SGCZ: variants seen among roughly 807,000 people sequenced by gnomAD.
SGCZ encodes the protein sarcoglycan zeta, also known as zeta-sarcoglycan.
In SGCZ, 40 loss-of-function variants were observed where a neutral mutation model predicts 41.3. The ratio of observed to expected loss-of-function variants is 0.97; its 90% CI spans 0.75 to 1.26. SGCZ has a LOEUF of 1.26. SGCZ is among the 50% of genes most tolerant of loss of function. The pLI is 0.00. For synonymous variants in SGCZ, 206 were observed against 137.5 expected, an observed-to-expected ratio of 1.50 and a Z score of -3.49; for missense variants, 552 against 369.8, an observed-to-expected ratio of 1.49 and a Z score of -4.04.
intron 1 of SGCZ, among the ~76,000 whole-genome samples, chr8:15,192,076 C>T (rs575741383): frequency 6.6e-6 from 1 of 152,056 alleles, no homozygotes; most frequent in South Asian, 2.1e-4. Context: ...TATTATATTC[C>T]CAGTGTTTTT....
intron 2 of SGCZ, among the ~76,000 whole-genome samples, chr8:14,336,272 A>G (rs1314687019): frequency 2.6e-5 from 4 of 152,184 alleles, no homozygotes; most frequent in Non-Finnish European, 5.9e-5. Context: ...TTGGCTACAT[A>G]GTATTCCATA....
chr8:14,108,025 T>G, intron 6 of SGCZ, 138 bp downstream of exon 6: 1 of 718,042 alleles, frequency 1.4e-6, no homozygotes, highest in South Asian at 2.1e-5. Flanking sequence ...ATTCTTCCTA[T>G]CTAATATATT....
At chr8:14,516,072 A>G (rs1189337938) in intron 2 of SGCZ, among the ~76,000 whole-genome samples, 1 of 151,910 alleles carries the variant, frequency 6.6e-6, no homozygotes, top group Non-Finnish European at 1.5e-5. Flanking sequence ...GGACTGATTT[A>G]AAAATGGCAC....
chr8:14,868,365 C>T (rs1245419343), intron 1 of SGCZ, among the ~76,000 whole-genome samples: 1 of 152,108 alleles, frequency 6.6e-6, no homozygotes, highest in Non-Finnish European at 1.5e-5. Context: ...CTTTAAGCCA[C>T]CAGTACAGCC....
At chr8:14,757,997 T>C (rs1169643743) in intron 1 of SGCZ, among the ~76,000 whole-genome samples, 1 of 152,204 alleles carries the variant, frequency 6.6e-6, no homozygotes, top group Non-Finnish European at 1.5e-5. Context: ...TATATACCCA[T>C]GTATATACAC....
chr8:14,978,975 T>A (rs10093265), intron 1 of SGCZ, among the ~76,000 whole-genome samples: 10,314 of 152,090 alleles, frequency 0.068, 498 homozygotes, highest in African/African-American at 0.12. Flanking sequence ...ATGTTTATAT[T>A]TTTGATACAG....
chr8:14,866,182 G>C (rs1020187975), intron 1 of SGCZ, among the ~76,000 whole-genome samples: 2 of 151,976 alleles, frequency 1.3e-5, no homozygotes, highest in African/African-American at 4.8e-5. Context: ...TTAAAAGAAA[G>C]GATCTATTTA....
chr8:14,622,973 G>C (rs1806333527), intron 1 of SGCZ, among the ~76,000 whole-genome samples: 1 of 152,064 alleles, frequency 6.6e-6, no homozygotes. Flanking sequence ...ATTTTCAGTA[G>C]CAGAGATGAA....
At chr8:14,429,486 G>C (rs1237524570) in intron 2 of SGCZ, among the ~76,000 whole-genome samples, 3 of 152,054 alleles carry the variant, frequency 2.0e-5, no homozygotes, top group Non-Finnish European at 4.4e-5. Flanking sequence ...ATGAGATGAG[G>C]TTAAGAGTCA....
chr8:14,372,186 C>T (rs891159761), intron 2 of SGCZ, among the ~76,000 whole-genome samples: 2 of 152,062 alleles, frequency 1.3e-5, no homozygotes, highest in African/African-American at 4.8e-5. Context: ...GGAACTCTCT[C>T]ACAGTAAGTA....
intron 1 of SGCZ, among the ~76,000 whole-genome samples, chr8:14,830,251 T>A (rs997140239): frequency 2.7e-5 from 4 of 147,978 alleles, no homozygotes; most frequent in African/African-American, 1.1e-4. Context: ...GTGTGTTTGG[T>A]TTCCAAATTT....
chr8:14,909,293 T>C (rs1799211480), intron 1 of SGCZ, among the ~76,000 whole-genome samples: 1 of 152,204 alleles, frequency 6.6e-6, no homozygotes, highest in Admixed American at 6.5e-5. Flanking sequence ...CTAAATCCAG[T>C]TGTCTACCTG....
At chr8:14,948,658 A>C (rs1800533108) in intron 1 of SGCZ, among the ~76,000 whole-genome samples, 1 of 151,790 alleles carries the variant, frequency 6.6e-6, no homozygotes, top group South Asian at 2.1e-4. Context: ...GTCACTAACT[A>C]CCTCCTATTT....
intron 3 of SGCZ, among the ~76,000 whole-genome samples, chr8:14,315,106 T>C (rs1375311438): frequency 1.3e-5 from 2 of 152,100 alleles, no homozygotes; most frequent in African/African-American, 4.8e-5. Flanking sequence ...GAGGAAGAAG[T>C]GACTTGAGGT....
chr8:15,048,943 A>C (rs1190157302), intron 1 of SGCZ, among the ~76,000 whole-genome samples: 4 of 152,252 alleles, frequency 2.6e-5, no homozygotes, highest in African/African-American at 9.6e-5. Flanking sequence ...GCTATCCCAA[A>C]TAAAATTGAC....
At position 14,881,819 on chromosome 8, in the gene SGCZ, C is replaced by T. The variant is rs140896494; in HGVS notation, c.40-326893G>A. Among the ~76,000 whole-genome samples, 298 of 152,254 alleles carry T rather than the reference C, an allele frequency of 2.0e-3. 4 individuals are homozygous for T. Among genetic ancestry groups the T allele is most frequent in the Non-Finnish European group, 3.1e-4 (21 of 68,018 alleles). On this transcript the variant is annotated intron_variant, in intron 1 of 7. Transcript: ENST00000382080. ...ATGGCACTTACTCTAAAGTTGATCA[C>T]GCAATTGGAAGTAAAACACTCCTCA...
intron 2 of SGCZ, among the ~76,000 whole-genome samples, chr8:14,352,264 C>T (rs180934109): frequency 6.6e-6 from 1 of 151,884 alleles, no homozygotes; most frequent in East Asian, 1.9e-4. Context: ...GTATCAGCTA[C>T]TGAGTGAGGA....
At chr8:14,151,382 G>C (rs1357685908) in intron 5 of SGCZ, among the ~76,000 whole-genome samples, 1 of 151,704 alleles carries the variant, frequency 6.6e-6, no homozygotes, top group East Asian at 1.9e-4. Flanking sequence ...AAATTTATCA[G>C]AACATTTACA....
chr8:14,684,579 A>C (rs1437728488), intron 1 of SGCZ, among the ~76,000 whole-genome samples: 7 of 152,198 alleles, frequency 4.6e-5, no homozygotes, highest in African/African-American at 1.7e-4. Context: ...GATTAAAAAT[A>C]CCTATAAAAC....
Sources: gnomAD v4.1 joint callset for allele counts (sites outside exome capture counted in the v4.1 genomes callset) on GRCh38, gnomAD v4.1.1 for gene constraint, MANE v1.5 for transcripts, NCBI Gene and HGNC (gene_info 2026-07-23, HGNC 2026-07-21) for gene names.